SGCB: variants seen among roughly 807,000 people sequenced by gnomAD.
The protein encoded by SGCB is beta-sarcoglycan.
Under a neutral mutation model 27.3 loss-of-function variants are expected in SGCB, and 25 were observed. That is an observed-to-expected ratio of 0.92 (90% CI 0.67 to 1.28). The LOEUF is 1.28. Ranked by LOEUF, SGCB falls within the 50% of genes most tolerant of loss-of-function variation. The pLI is 0.00. For missense variants in SGCB, 436 were observed against 402.1 expected, an observed-to-expected ratio of 1.08 and a Z score of -0.72; for synonymous variants, 147 against 133.5, an observed-to-expected ratio of 1.10 and a Z score of -0.70.
intron 1 of SGCB, among the ~76,000 whole-genome samples, chr4:52,036,498 G>T (rs1277215134): frequency 2.0e-5 from 3 of 152,140 alleles, no homozygotes; most frequent in Non-Finnish European, 4.4e-5. Flanking sequence ...AATCAGATTT[G>T]CATTGTAGTA....
At chr4:52,031,449 T>TGTGC (rs1262507884) in intron 2 of SGCB, among the ~76,000 whole-genome samples, 14 of 144,614 alleles carry the variant, frequency 9.7e-5, no homozygotes, top group African/African-American at 3.2e-4. Context: ...TGTGTGTGTG[T>TGTGC]GCACGCGCAT....
At chr4:52,036,386 G>A (rs1737392647) in intron 1 of SGCB, among the ~76,000 whole-genome samples, 1 of 152,164 alleles carries the variant, frequency 6.6e-6, no homozygotes, top group Non-Finnish European at 1.5e-5. Context: ...TGAGAGATGT[G>A]CTTAGGGGCC....
chr4:52,021,143 T>C lies in SGCB; in HGVS notation c.*2814A>G, dbSNP rs1046127430. 1 of 152,196 alleles carries C rather than the reference T, an allele frequency of 6.6e-6. No homozygotes were observed. The highest frequency in any genetic ancestry group is 1.5e-5 in the Non-Finnish European group (1 of 68,038). The allele number at this position is 152,196 out of a possible 1,614,324, so 9.4% of individuals were successfully genotyped here. On this transcript the variant is annotated 3_prime_UTR_variant, in exon 6 of 6. Transcript: ENST00000381431. The stretch of plus-strand genomic sequence containing the variant: ...TTGATTTCATTTGCCCCCCTTGTCA[T>C]TGCAACCCGTCTCTAGAATACTGTG...
Position 52,028,761 on chromosome 4 carries a change from C to T in SGCB, c.590G>A (p.Ser197Asn), listed in dbSNP as rs760797486. 6.2e-7 allele frequency: 1 copy of T among 1,613,712 alleles called. No individual in the cohort carries two copies. The highest frequency in any genetic ancestry group is 1.7e-5 in the Admixed American group (1 of 60,014). The change falls in exon 4 of 6, where the codon AGT becomes AAT. Residue 197 changes from serine (S) to asparagine (N), a missense_variant. By Grantham distance (46) the Ser-to-Asn change is conservative. Transcript: ENST00000381431. ...AGTAGATGCCTTTTGAACATTCAAACTTTTCACTCCACTTGGCAAATGAAA... is the reference window on the plus strand; with the variant it reads ...AGTAGATGCCTTTTGAACATTCAAATTTTTCACTCCACTTGGCAAATGAAA... ...HEFHLPSGVK[S>N]LNVQKASTER...
At position 52,033,517 on chromosome 4, in the gene SGCB, G is replaced by A. The variant is rs771423775; in HGVS notation, c.157C>T (p.His53Tyr). 2 of 1,613,568 alleles carry A rather than the reference G, an allele frequency of 1.2e-6. No individual in the cohort carries two copies. The highest frequency in any genetic ancestry group is 1.1e-5 in the South Asian group (1 of 91,078). Residue 53 changes from histidine to tyrosine, a missense_variant, in exon 2 of 6, where the codon CAC becomes TAC. Coordinates refer to ENST00000381431, the MANE Select transcript of SGCB (RefSeq NM_000232.5). The stretch of plus-strand genomic sequence containing the variant: ...TTTCTTCCTCTCAACCCTGTTTTGT[G>A]GAGACGATCTTCATCAATCGGAATG... ...GYIPIDEDRL[H>Y]KTGLRGRKGN... is the part of the protein sequence containing the mutation.
chr4:52,036,007 CAT>C (rs1444437344), intron 1 of SGCB, among the ~76,000 whole-genome samples: 2 of 152,156 alleles, frequency 1.3e-5, no homozygotes, highest in Non-Finnish European at 2.9e-5. Context: ...CCAGGATGAA[CAT>C]AGTGTCCACC....
chr4:52,034,046 T>C (rs1189833042), intron 1 of SGCB, among the ~76,000 whole-genome samples: 1 of 151,796 alleles, frequency 6.6e-6, no homozygotes, highest in Non-Finnish European at 1.5e-5. Flanking sequence ...TCAAAAATAT[T>C]TGAGGCCAGG....
At position 52,033,433 on chromosome 4, in the gene SGCB, T is replaced by C. The variant is rs1560568792; in HGVS notation, c.241A>G (p.Ile81Val). The C allele has an allele frequency of 2.5e-6, 4 of 1,603,204 alleles. No individual in the cohort carries two copies. The highest frequency in any genetic ancestry group is 2.6e-6 in the Non-Finnish European group (3 of 1,170,010). ...TGAGTATTCTTACAAATACTCACTA[T>C]TAAATTGATGACAGCCAGGATAAAC... ...LLFILAVINLIITLVIWAVIR... is the reference protein window; with the variant it reads ...LLFILAVINLVITLVIWAVIR... The change falls in exon 2 of 6, where the codon ATA becomes GTA. Residue 81 changes from isoleucine (I) to valine (V), a missense_variant and splice_region_variant. Ile to Val is a conservative substitution (Grantham distance 29, BLOSUM62 3). Transcript: ENST00000381431.
rs1179097893 is a variant in SGCB at position 52,022,160 on chromosome 4, GT to G, written c.*1796del. On this transcript the variant is annotated 3_prime_UTR_variant, in exon 6 of 6. Coordinates refer to ENST00000381431, the MANE Select transcript of SGCB (RefSeq NM_000232.5). ...ATATCACTGCAATAACACTCAAGTG[GT>G]TATAAATCTCATTCTTTTCATTTAA... 2.6e-5 allele frequency: 4 copies of G among 152,156 alleles called. No individual in the cohort carries two copies. The highest frequency in any genetic ancestry group is 5.9e-5 in the Non-Finnish European group (4 of 68,038). The allele number at this position is 152,156 out of a possible 1,614,324, so 9.4% of individuals were successfully genotyped here.
At chr4:52,032,712 A>C (rs919206617) in intron 2 of SGCB, among the ~76,000 whole-genome samples, 4 of 152,218 alleles carry the variant, frequency 2.6e-5, no homozygotes, top group Non-Finnish European at 5.9e-5. Context: ...CACAAAAAGA[A>C]TCACTTCAAA....
rs944581902 is a variant in SGCB at position 52,021,889 on chromosome 4, G to C, written c.*2068C>G. 6.6e-6 allele frequency: 1 copy of C among 151,890 alleles called. No homozygotes were observed. Among genetic ancestry groups the C allele is most frequent in the African/African-American group, 2.4e-5 (1 of 41,344 alleles). The allele number at this position is 151,890 out of a possible 1,614,324, so 9.4% of individuals were successfully genotyped here. ...TCATGGAGATGTATCAAAAACACAA[G>C]TATTTCCCAAAAAAGAGTAAAAATA... On this transcript the variant is annotated 3_prime_UTR_variant, in exon 6 of 6. Transcript: ENST00000381431.
intron 5 of SGCB, among the ~76,000 whole-genome samples, chr4:52,026,250 GTTTTTTTTTTTT>G (rs71193050): frequency 9.8e-6 from 1 of 101,646 alleles, no homozygotes; most frequent in Non-Finnish European, 2.1e-5. Flanking sequence ...TTTGTTGTTG[GTTTTTTTTTTTT>G]TTTTTTTTTT....
intron 2 of SGCB, among the ~76,000 whole-genome samples, chr4:52,031,406 A>ACG (rs1553940455): frequency 1.4e-5 from 2 of 142,730 alleles, no homozygotes; most frequent in Non-Finnish European, 3.0e-5. Flanking sequence ...GTGTGTGTGT[A>ACG]TGTGTGTGTG....
In SGCB at chr4:52,038,285, T is replaced by TCCCCGCCCGACTGTGCCCG; in HGVS notation, c.-27_-26insCGGGCACAGTCGGGCGGGG. On this transcript the variant is annotated 5_prime_UTR_variant, in exon 1 of 6. Transcript: ENST00000381431. ...CTTCCCGCGCCCGCCGCCGCCGAGCTCCCCGCCCGACTGTGCCCGCCCCTC... is the reference window on the plus strand; with the variant it reads ...CTTCCCGCGCCCGCCGCCGCCGAGCTCCCCGCCCGACTGTGCCCGCCCCGCCCGACTGTGCCCGCCCCTC... The TCCCCGCCCGACTGTGCCCG allele has an allele frequency of 7.8e-7, 1 of 1,288,036 alleles. No homozygotes were observed. The highest frequency in any genetic ancestry group is 2.6e-5 in the South Asian group (1 of 38,820). 79.8% of individuals were successfully genotyped at this position (1,288,036 alleles called of 1,614,324 possible). A position where few individuals can be genotyped will look rare whatever the true frequency, so the allele number is the denominator to read the frequency against.
At chr4:52,025,516 C>G (rs1737067709) in intron 5 of SGCB, among the ~76,000 whole-genome samples, 1 of 152,140 alleles carries the variant, frequency 6.6e-6, no homozygotes, top group Non-Finnish European at 1.5e-5. Context: ...GTGGAAGAAG[C>G]ACGGAGGGTG....
chr4:52,031,386 T>C (rs1168625441), intron 2 of SGCB, among the ~76,000 whole-genome samples: 10 of 145,008 alleles, frequency 6.9e-5, no homozygotes, highest in Non-Finnish European at 1.5e-5. Context: ...ACCCACCCAT[T>C]CATCTCTGTG....
intron 1 of SGCB, among the ~76,000 whole-genome samples, chr4:52,037,527 G>A (rs2109379830): frequency 6.6e-6 from 1 of 152,208 alleles, no homozygotes; most frequent in East Asian, 1.9e-4. Flanking sequence ...AATCACCCTA[G>A]CGATTACGTG....
chr4:52,033,499 C>T lies in SGCB; in HGVS notation c.175G>A (p.Gly59Arg). The T allele has an allele frequency of 6.2e-7, 1 of 1,613,838 alleles. No homozygotes were observed. Among genetic ancestry groups the T allele is most frequent in the Middle Eastern group, 1.7e-4 (1 of 6,060 alleles). The change falls in exon 2 of 6, where the codon GGA becomes AGA. Residue 59 changes from glycine to arginine, a missense_variant. Coordinates refer to ENST00000381431, the MANE Select transcript of SGCB (RefSeq NM_000232.5). ...CAGATGGCTAAATTGCCCTTTCTTC[C>T]TCTCAACCCTGTTTTGTGGAGACGA... ...EDRLHKTGLR[G>R]RKGNLAICVI...
chr4:52,032,036 G>A, intron 2 of SGCB: 1 of 449,218 alleles, frequency 2.2e-6, no homozygotes, highest in South Asian at 1.6e-5. Context: ...TTTCAGTATG[G>A]AAACCCAACC....
Sources: allele counts gnomAD v4.1 joint callset (sites outside exome capture counted in the v4.1 genomes callset), GRCh38; gene constraint gnomAD v4.1.1; transcripts MANE v1.5; gene names NCBI Gene and HGNC (gene_info 2026-07-23, HGNC 2026-07-21).